Variants in ZNF804B observed in about 807,000 individuals in gnomAD.
ZNF804B encodes the protein zinc finger protein 804B.
Under a neutral mutation model 101.4 loss-of-function variants are expected in ZNF804B, and 80 were observed. That is an observed-to-expected ratio of 0.79 (90% CI 0.66 to 0.95). The LOEUF is 0.95. Among genes scored for constraint, ZNF804B ranks in the 40% least tolerant of loss-of-function variants. The probability of loss-of-function intolerance (pLI) is 0.00; values close to 1 mark genes in which losing one functional copy is unlikely to be tolerated. For synonymous variants in ZNF804B, 622 were observed against 558.8 expected (o/e 1.11, Z -1.59); for missense variants, 1,673 against 1,561.9 (o/e 1.07, Z -1.20).
At chr7:88,849,649 GC>G in intron 1 of ZNF804B, among the ~76,000 whole-genome samples, 1 of 151,244 alleles carries the variant, frequency 6.6e-6, no homozygotes, top group East Asian at 1.9e-4. Flanking sequence ...ACAGGTGCCC[GC>G]CACCACACCT....
intron 1 of ZNF804B, among the ~76,000 whole-genome samples, chr7:89,031,439 AT>A (rs1788832880): frequency 6.6e-6 from 1 of 152,092 alleles, no homozygotes; most frequent in African/African-American, 2.4e-5. Flanking sequence ...AACAGGGAAC[AT>A]TTTTCTCTCA....
At chr7:88,942,521 TG>T (rs1562839160) in intron 1 of ZNF804B, among the ~76,000 whole-genome samples, 5 of 150,784 alleles carry the variant, frequency 3.3e-5, no homozygotes, top group African/African-American at 4.9e-5. Flanking sequence ...TGTGTGTGTG[TG>T]TGTGTGTGTT....
intron 1 of ZNF804B, among the ~76,000 whole-genome samples, chr7:88,945,931 A>G (rs1050665380): frequency 2.6e-5 from 4 of 152,090 alleles, no homozygotes; most frequent in African/African-American, 9.7e-5. Flanking sequence ...ATTTTTGCAC[A>G]TTGATTTTGT....
At chr7:89,288,010 A>G (rs1313676817) in intron 2 of ZNF804B, among the ~76,000 whole-genome samples, 4 of 152,176 alleles carry the variant, frequency 2.6e-5, no homozygotes, top group African/African-American at 7.2e-5. Context: ...TACAATGTTC[A>G]GCATACCATC....
intron 2 of ZNF804B, among the ~76,000 whole-genome samples, chr7:89,283,833 A>AT (rs1340393094): frequency 6.6e-6 from 1 of 152,092 alleles, no homozygotes; most frequent in Non-Finnish European, 1.5e-5. Context: ...TTATACATAG[A>AT]TTTTTTTCAG....
chr7:89,050,023 G>A (rs1205263636), intron 1 of ZNF804B, among the ~76,000 whole-genome samples: 5 of 151,880 alleles, frequency 3.3e-5, no homozygotes, highest in Non-Finnish European at 7.4e-5. Flanking sequence ...AAACAAAAAC[G>A]AAAACAAAAA....
intron 1 of ZNF804B, among the ~76,000 whole-genome samples, chr7:88,995,647 C>T (rs1005881809): frequency 6.6e-6 from 1 of 151,960 alleles, no homozygotes; most frequent in African/African-American, 2.4e-5. Flanking sequence ...TAACTCCTCA[C>T]TCTTTAAGGG....
intron 2 of ZNF804B, among the ~76,000 whole-genome samples, chr7:89,307,634 A>C (rs767971181): frequency 9.2e-5 from 14 of 152,056 alleles, no homozygotes; most frequent in Non-Finnish European, 1.8e-4. Flanking sequence ...ATTTTTGAGC[A>C]GTAAGAGCTA....
At chr7:89,097,364 A>C (rs952598188) in intron 1 of ZNF804B, among the ~76,000 whole-genome samples, 1 of 152,216 alleles carries the variant, frequency 6.6e-6, no homozygotes, top group Non-Finnish European at 1.5e-5. Flanking sequence ...CATTGAAATA[A>C]AATTTTTGAG....
rs10248762 is a variant in ZNF804B at position 88,781,473 on chromosome 7, T to C, written c.108+21389T>C. On this transcript the variant is annotated intron_variant, in intron 1 of 3. Coordinates refer to ENST00000333190, the MANE Select transcript of ZNF804B (RefSeq NM_181646.5). ...ACTAATTGGTCTAACATTCTTGAGG[T>C]CACCCAGGGCTACTGGTCAGAATTC... Among the ~76,000 whole-genome samples, 331 of 152,280 alleles carry C rather than the reference T, an allele frequency of 2.2e-3. 2 individuals carry two copies. Among genetic ancestry groups the C allele is most frequent in the African/African-American group, 7.7e-3 (320 of 41,568 alleles).
rs2115692617 is a variant in ZNF804B at position 88,794,685 on chromosome 7, T to A, written c.108+34601T>A. The A allele has an allele frequency of 3.7e-6, 6 of 1,613,768 alleles. No homozygotes were observed. The South Asian group carries it at 6.6e-5, about 18-fold the overall frequency. ...AAGTGGGATAGATGAGCAGCAATCC[T>A]GTCACTGCTTCTCCTAGGTGATGTT... On this transcript the variant is annotated intron_variant, in intron 1 of 3. Transcript: ENST00000333190.
At chr7:89,321,877 C>T (rs1790826635) in intron 2 of ZNF804B, among the ~76,000 whole-genome samples, 1 of 151,956 alleles carries the variant, frequency 6.6e-6, no homozygotes, top group African/African-American at 2.4e-5. Context: ...CATACCAACA[C>T]TAAGTAATAG....
intron 3 of ZNF804B, among the ~76,000 whole-genome samples, chr7:89,329,763 A>G (rs1276098302): frequency 6.6e-6 from 1 of 151,608 alleles, no homozygotes; most frequent in African/African-American, 2.4e-5. Flanking sequence ...ATTTTTCCAA[A>G]ATTTAAAAAT....
chr7:88,800,142 G>A (rs558493376), intron 1 of ZNF804B, among the ~76,000 whole-genome samples: 1 of 152,066 alleles, frequency 6.6e-6, no homozygotes, highest in Admixed American at 6.6e-5. Context: ...TTACAACTTG[G>A]GTACAGCCTT....
intron 1 of ZNF804B, among the ~76,000 whole-genome samples, chr7:89,095,757 TGTTAA>T (rs1789963183): frequency 6.6e-6 from 1 of 152,232 alleles, no homozygotes; most frequent in African/African-American, 2.4e-5. Context: ...ATTTGTTTCC[TGTTAA>T]GTTTTTAAAC....
At chr7:89,104,019 T>G (rs537468739) in intron 1 of ZNF804B, among the ~76,000 whole-genome samples, 1 of 152,140 alleles carries the variant, frequency 6.6e-6, no homozygotes, top group East Asian at 1.9e-4. Context: ...ATTGTTTATA[T>G]AGTGGACAAT....
chr7:89,020,224 G>A (rs144983324), intron 1 of ZNF804B, among the ~76,000 whole-genome samples: 26 of 152,168 alleles, frequency 1.7e-4, no homozygotes, highest in Non-Finnish European at 3.2e-4. Flanking sequence ...ACTCTCTTAA[G>A]CATTTCTTGT....
chr7:89,156,182 T>C (rs34462052), intron 1 of ZNF804B, among the ~76,000 whole-genome samples: 61,280 of 150,752 alleles, frequency 0.41, 13,086 homozygotes, highest in Non-Finnish European at 0.47. Context: ...GGCACAATCT[T>C]GGCTCCCCAC....
intron 1 of ZNF804B, among the ~76,000 whole-genome samples, chr7:88,797,485 C>T (rs1790504307): frequency 6.6e-6 from 1 of 152,150 alleles, no homozygotes; most frequent in African/African-American, 2.4e-5. Context: ...CTGCCTTCAC[C>T]ACATCCAGAG....
Sources: allele counts gnomAD v4.1 joint callset (sites outside exome capture counted in the v4.1 genomes callset), GRCh38; gene constraint gnomAD v4.1.1; transcripts MANE v1.5; gene names NCBI Gene and HGNC (gene_info 2026-07-23, HGNC 2026-07-21).